Variants in MFSD8 observed in about 807,000 individuals in gnomAD.
MFSD8 encodes major facilitator superfamily domain containing 8.
MFSD8 carries 55 observed loss-of-function variants against 66.4 expected under a neutral mutation model. That is an observed-to-expected ratio of 0.83 (90% CI 0.67 to 1.04). MFSD8 has a LOEUF of 1.04. Ranked by LOEUF, MFSD8 falls within the 50% of genes least tolerant of loss-of-function variation. MFSD8 has a pLI of 0.00. For missense variants in MFSD8, 550 were observed against 627.6 expected (o/e 0.88, Z 1.32); for synonymous variants, 202 against 212.8 (o/e 0.95, Z 0.44).
intron 5 of MFSD8, 100 bp from the exon 6 acceptor site, chr4:127,940,097 G>A (rs1739892928): frequency 1.8e-6 from 2 of 1,134,624 alleles, no homozygotes; most frequent in Admixed American, 4.0e-5. Flanking sequence ...CAATGTTATG[G>A]AATCATCCTT....
rs1180026873 is a variant in MFSD8, at chr4:127,919,197, T to G, written c.*1433A>C. Reference sequence around the variant, plus strand: ...TAGCATAAAGTGCAGATTATACAGTTTTAAATTTTTGTTTTTATTTTTTGT... The same window carrying G: ...TAGCATAAAGTGCAGATTATACAGTGTTAAATTTTTGTTTTTATTTTTTGT... On this transcript the variant is annotated 3_prime_UTR_variant, in exon 12 of 12. Transcript: ENST00000641686. 6.6e-6 allele frequency: 1 copy of G among 152,150 alleles called. No individual in the cohort carries two copies. Among genetic ancestry groups the G allele is most frequent in the Non-Finnish European group, 1.5e-5 (1 of 68,016 alleles). The allele number at this position is 152,150 out of a possible 1,614,324, so 9.4% of individuals were successfully genotyped here. A position where few individuals can be genotyped will look rare whatever the true frequency, so the allele number is the denominator to read the frequency against.
chr4:127,929,413 C>T (rs1246550881), intron 9 of MFSD8, among the ~76,000 whole-genome samples: 1 of 115,782 alleles, frequency 8.6e-6, no homozygotes, highest in Non-Finnish European at 1.8e-5. Flanking sequence ...CTTGTCTCTA[C>T]AAAAAGTTAA....
intron 2 of MFSD8, among the ~76,000 whole-genome samples, chr4:127,953,550 T>TG: frequency 7.4e-6 from 1 of 134,316 alleles, no homozygotes; most frequent in African/African-American, 2.8e-5. Flanking sequence ...TCTGTTTTTT[T>TG]TTTTTTTTTT....
intron 9 of MFSD8, among the ~76,000 whole-genome samples, chr4:127,923,635 A>G (rs1289425998): frequency 6.7e-6 from 1 of 149,452 alleles, no homozygotes; most frequent in Non-Finnish European, 1.5e-5. Flanking sequence ...GCTGGTATGC[A>G]GTGGCGTGAA....
At chr4:127,930,628 T>C in intron 9 of MFSD8, 55 bp downstream of exon 9, 2 of 1,596,016 alleles carry the variant, frequency 1.3e-6, no homozygotes, top group Non-Finnish European at 1.7e-6. Flanking sequence ...TTGTTAGCTC[T>C]GTTTTTTGTT....
intron 8 of MFSD8, 35 bp downstream of exon 8, chr4:127,932,950 T>C: frequency 1.3e-6 from 2 of 1,543,678 alleles, no homozygotes; most frequent in South Asian, 2.2e-5. Flanking sequence ...GGTTAAAACA[T>C]AATCTGATTC....
chr4:127,960,300 C>T (rs1372473486), intron 1 of MFSD8, among the ~76,000 whole-genome samples: 1 of 152,136 alleles, frequency 6.6e-6, no homozygotes, highest in Non-Finnish European at 1.5e-5. Context: ...AGGCCAAAGC[C>T]GGGCAGACTG....
intron 2 of MFSD8, among the ~76,000 whole-genome samples, chr4:127,952,089 T>C (rs974252291): frequency 1.3e-5 from 2 of 152,004 alleles, no homozygotes; most frequent in African/African-American, 4.8e-5. Flanking sequence ...ATAAACCCTA[T>C]TTTAAAACAT....
At chr4:127,937,319 C>A (rs990050560) in intron 7 of MFSD8, among the ~76,000 whole-genome samples, 8 of 152,302 alleles carry the variant, frequency 5.3e-5, no homozygotes, top group Non-Finnish European at 1.0e-4. Flanking sequence ...CATCTAACCT[C>A]CCTTCCTAAA....
At chr4:127,926,092 G>A (rs539261531) in intron 9 of MFSD8, among the ~76,000 whole-genome samples, 4 of 151,736 alleles carry the variant, frequency 2.6e-5, no homozygotes, top group East Asian at 2.0e-4. Context: ...TTGCGGGGTG[G>A]GGGGCTAGAG....
At position 127,938,593 on chromosome 4, in the gene MFSD8, AAAT is replaced by A. The variant is rs1453798576; in HGVS notation, c.754+187_754+189del. ...GCGAAACTCTGTCTCAAAAAAAAAA[AAAT>A]AAATAAATAAATAAATAAATAAATA... On this transcript the variant is annotated intron_variant, in intron 7 of 11. Coordinates refer to ENST00000641686, the MANE Select transcript of MFSD8 (RefSeq NM_001371596.2). Among the ~76,000 whole-genome samples, 401 of 106,440 alleles carry A rather than the reference AAAT, an allele frequency of 3.8e-3. 4 individuals carry two copies. Among genetic ancestry groups the A allele is most frequent in the African/African-American group, 0.015 (332 of 21,738 alleles). 69.8% of individuals were successfully genotyped at this position (106,440 alleles called of 152,430 possible). A position where few individuals can be genotyped will look rare whatever the true frequency, so the allele number is the denominator to read the frequency against.
intron 9 of MFSD8, among the ~76,000 whole-genome samples, chr4:127,925,395 A>G (rs1168110896): frequency 6.6e-6 from 1 of 152,228 alleles, no homozygotes; most frequent in Non-Finnish European, 1.5e-5. Flanking sequence ...CAAATTTACA[A>G]GAAAAAAACA....
At chr4:127,926,857 G>A (rs1046039955) in intron 9 of MFSD8, among the ~76,000 whole-genome samples, 1 of 152,198 alleles carries the variant, frequency 6.6e-6, no homozygotes, top group Non-Finnish European at 1.5e-5. Flanking sequence ...TACTCATTCA[G>A]TAGAAACCAC....
At chr4:127,951,552 T>C (rs989550600) in intron 2 of MFSD8, among the ~76,000 whole-genome samples, 1 of 151,994 alleles carries the variant, frequency 6.6e-6, no homozygotes, top group African/African-American at 2.4e-5. Flanking sequence ...TAGAACACAT[T>C]TGTCACCTCA....
rs190715381 is a variant in MFSD8, at chr4:127,954,977, G to A, written c.154+2524C>T. Among the ~76,000 whole-genome samples the A allele has an allele frequency of 2.2e-3, 329 of 152,246 alleles. 2 individuals carry two copies. The highest frequency in any genetic ancestry group is 7.5e-3 in the African/African-American group (311 of 41,554). On this transcript the variant is annotated intron_variant, in intron 2 of 11. Coordinates refer to ENST00000641686, the MANE Select transcript of MFSD8 (RefSeq NM_001371596.2). ...GACTACTATCCAAAAGAAAGTTAAC[G>A]TTGGCAAGGATGTGAAAAAATTGGA...
At chr4:127,922,533 G>A (rs1419148873) in intron 9 of MFSD8, among the ~76,000 whole-genome samples, 2 of 151,892 alleles carry the variant, frequency 1.3e-5, no homozygotes, top group African/African-American at 2.4e-5. Context: ...GTTGAGGCAG[G>A]AGGATTACTT....
rs1736147342 is a variant in MFSD8 at position 127,919,972 on chromosome 4, A to C, written c.*658T>G. 6.5e-6 allele frequency: 1 copy of C among 153,710 alleles called. No individual in the cohort carries two copies. The highest frequency in any genetic ancestry group is 1.4e-5 in the Non-Finnish European group (1 of 69,114). 9.5% of individuals were successfully genotyped at this position (153,710 alleles called of 1,614,324 possible). A position where few individuals can be genotyped will look rare whatever the true frequency, so the allele number is the denominator to read the frequency against. On this transcript the variant is annotated 3_prime_UTR_variant, in exon 12 of 12. Coordinates refer to ENST00000641686, the MANE Select transcript of MFSD8 (RefSeq NM_001371596.2). Reference sequence around the variant, plus strand: ...ATCTCTTAATCCTCTGTATTGCTCAAATATTAGCATTATCCATACTCATTT... The same window carrying C: ...ATCTCTTAATCCTCTGTATTGCTCACATATTAGCATTATCCATACTCATTT...
chr4:127,965,450 T>A (rs1372399274), upstream of MFSD8: 1 of 510,290 alleles, frequency 2.0e-6, no homozygotes, highest in Non-Finnish European at 3.6e-6. Flanking sequence ...CCTCCCTCCG[T>A]TTCTCCTTCC....
intron 2 of MFSD8, among the ~76,000 whole-genome samples, chr4:127,953,543 GTTTTTTTTT>G (rs952826538): frequency 1.6e-4 from 11 of 67,032 alleles, no homozygotes; most frequent in South Asian, 5.0e-4. Flanking sequence ...AAGGCATTCT[GTTTTTTTTT>G]TTTTTTTTTT....
Sources: allele counts gnomAD v4.1 joint callset (sites outside exome capture counted in the v4.1 genomes callset), GRCh38; gene constraint gnomAD v4.1.1; transcripts MANE v1.5; gene names NCBI Gene and HGNC (gene_info 2026-07-23, HGNC 2026-07-21).